The following SDK1 variants were observed in gnomAD, a reference collection of about 807,000 sequenced individuals.
SDK1 encodes protein sidekick-1.
A neutral mutation model predicts 245.5 loss-of-function variants in SDK1; 157 were observed. The ratio of observed to expected loss-of-function variants is 0.64; its 90% CI spans 0.56 to 0.73. The LOEUF (loss-of-function observed/expected upper bound fraction) is 0.73, where lower values mean the gene tolerates loss of function less well. SDK1 is among the 30% of genes least tolerant of loss of function. The pLI, the probability that SDK1 is intolerant of heterozygous loss-of-function variation, is 0.00. For synonymous variants in SDK1, 1,647 were observed against 1,278.5 expected (o/e 1.29, Z -6.15); for missense variants, 3,583 against 3,002.3 (o/e 1.19, Z -4.52).
intron 41 of SDK1, among the ~76,000 whole-genome samples, chr7:4,236,187 G>A (rs1786154146): frequency 6.6e-6 from 1 of 152,214 alleles, no homozygotes; most frequent in Admixed American, 6.5e-5. Context: ...TGGCTGCCGT[G>A]AGCCAATGCC....
At chr7:3,691,370 T>C (rs1784433470) in intron 4 of SDK1, among the ~76,000 whole-genome samples, 1 of 152,160 alleles carries the variant, frequency 6.6e-6, no homozygotes, top group Non-Finnish European at 1.5e-5. Flanking sequence ...TGGATCACAG[T>C]GGACCCCTCC....
rs371193237 is a variant in SDK1 at position 3,543,419 on chromosome 7, G to A, written c.299-75661G>A. On this transcript the variant is annotated intron_variant, in intron 1 of 44. Coordinates refer to ENST00000404826, the MANE Select transcript of SDK1 (RefSeq NM_152744.4). ...GGGGAGCCATTCTTACTAAAGAGATGGCTCTTAAGACCAAATGGAGCACTG... is the reference window on the plus strand; with the variant it reads ...GGGGAGCCATTCTTACTAAAGAGATAGCTCTTAAGACCAAATGGAGCACTG... Among the ~76,000 whole-genome samples the A allele has an allele frequency of 5.9e-5, 9 of 152,364 alleles. No individual in the cohort carries two copies. The South Asian group carries it at 1.9e-3, about 32-fold the overall frequency.
At chr7:3,499,351 C>T (rs1782122925) in intron 1 of SDK1, among the ~76,000 whole-genome samples, 1 of 151,618 alleles carries the variant, frequency 6.6e-6, no homozygotes, top group African/African-American at 2.4e-5. Context: ...AATGACTTAG[C>T]CATTTTTTGT....
Position 4,189,591 on chromosome 7 carries a change from T to C in SDK1, c.5098+11005T>C, listed in dbSNP as rs144793225. Among the ~76,000 whole-genome samples the C allele has an allele frequency of 5.9e-3, 903 of 152,320 alleles. 6 individuals carry two copies. Among genetic ancestry groups the C allele is most frequent in the Middle Eastern group, 0.034 (10 of 294 alleles). On this transcript the variant is annotated intron_variant, in intron 35 of 44. Coordinates refer to ENST00000404826, the MANE Select transcript of SDK1 (RefSeq NM_152744.4). ...CCGGCCAGGCATGGTGGCTCATGCC[T>C]GTAATCCTAGCACTTTGAGAGGCCA...
At chr7:3,838,097 G>A (rs373174079) in intron 5 of SDK1, among the ~76,000 whole-genome samples, 13 of 152,168 alleles carry the variant, frequency 8.5e-5, no homozygotes, top group Non-Finnish European at 1.6e-4. Context: ...AAGTATAGCC[G>A]CTTAGTCATT....
intron 4 of SDK1, among the ~76,000 whole-genome samples, chr7:3,716,114 CAAAAAAA>C (rs34348813): frequency 2.2e-4 from 18 of 82,130 alleles, no homozygotes; most frequent in Non-Finnish European, 4.7e-4. Flanking sequence ...AAAAGGTAGA[CAAAAAAA>C]AAAAAAAAAT....
chr7:4,164,841 A>G (rs893639488), intron 32 of SDK1, among the ~76,000 whole-genome samples: 5 of 152,216 alleles, frequency 3.3e-5, no homozygotes, highest in African/African-American at 1.2e-4. Flanking sequence ...GCCCAACAGA[A>G]CAAACTAATT....
chr7:3,785,834 T>G (rs954105313), intron 4 of SDK1, among the ~76,000 whole-genome samples: 1 of 152,208 alleles, frequency 6.6e-6, no homozygotes, highest in Admixed American at 6.5e-5. Context: ...AGTTGTTGCT[T>G]CTGCTGTCAG....
chr7:3,642,016 G>C lies in SDK1; in HGVS notation c.624G>C (p.Ala208=). 1 of 1,613,512 alleles carries C rather than the reference G, an allele frequency of 6.2e-7. No individual in the cohort carries two copies. The highest frequency in any genetic ancestry group is 8.5e-7 in the Non-Finnish European group (1 of 1,179,438). The change falls in exon 4 of 45, where the codon GCG becomes GCC. Residue 208 remains alanine (A), a synonymous_variant. Coordinates refer to ENST00000404826, the MANE Select transcript of SDK1 (RefSeq NM_152744.4). ...AAACAGTTTCTCAAGGACGTGCAGCGATTCTAAACCTGCTGCCCATCACCA... is the reference window on the plus strand; with the variant it reads ...AAACAGTTTCTCAAGGACGTGCAGCCATTCTAAACCTGCTGCCCATCACCA... ...QRKTVSQGRA[A]ILNLLPITSY... is the part of the protein sequence containing the mutation.
At chr7:3,811,516 C>G (rs1361357837) in intron 4 of SDK1, among the ~76,000 whole-genome samples, 3 of 152,230 alleles carry the variant, frequency 2.0e-5, no homozygotes, top group Admixed American at 6.5e-5. Context: ...TGCAAGAGCT[C>G]TGAGCTCACA....
chr7:4,021,104 G>C (rs1356681307), intron 17 of SDK1, among the ~76,000 whole-genome samples: 1 of 152,198 alleles, frequency 6.6e-6, no homozygotes. Flanking sequence ...CCTGCAGTTT[G>C]TGCAGAGTTG....
chr7:3,758,112 C>T (rs879898957), intron 4 of SDK1, among the ~76,000 whole-genome samples: 7 of 152,164 alleles, frequency 4.6e-5, no homozygotes, highest in Non-Finnish European at 1.0e-4. Flanking sequence ...AAGTTCCACT[C>T]TGCAGGGAAG....
rs117713005 is a variant in SDK1, at chr7:3,396,956, T to C, written c.298+95072T>C. ...TTCATTCCTCCATGACTGCTTTCTT[T>C]TGTGTTAAATGGATTCTTTTCTTAA... is the stretch of plus-strand genomic sequence containing the variant. On this transcript the variant is annotated intron_variant, in intron 1 of 44. Transcript: ENST00000404826. 7.2e-5 allele frequency among the ~76,000 whole-genome samples: 11 copies of C among 151,894 alleles called. 1 individual carries two copies. In the East Asian group the frequency reaches 1.9e-3, roughly 27 times the overall value.
chr7:4,149,176 C>T, intron 29 of SDK1, 86 bp from the exon 30 acceptor site: 1 of 1,138,296 alleles, frequency 8.8e-7, no homozygotes, highest in East Asian at 3.0e-5. Flanking sequence ...AGCAGTCAGC[C>T]CTGTACAGCA....
At chr7:3,923,622 C>T (rs923536552) in intron 5 of SDK1, among the ~76,000 whole-genome samples, 3 of 152,234 alleles carry the variant, frequency 2.0e-5, no homozygotes, top group African/African-American at 7.2e-5. Flanking sequence ...TTCACAAGTC[C>T]TCCAGGTTGG....
chr7:3,535,390 A>G (rs1043136104), intron 1 of SDK1, among the ~76,000 whole-genome samples: 2 of 152,244 alleles, frequency 1.3e-5, no homozygotes, highest in African/African-American at 2.4e-5. Context: ...GTTGAATGTT[A>G]CCTTCAAAAG....
chr7:3,658,244 A>C (rs538029755), intron 4 of SDK1, among the ~76,000 whole-genome samples: 1 of 152,182 alleles, frequency 6.6e-6, no homozygotes, highest in East Asian at 1.9e-4. Context: ...ATGAGGGCCC[A>C]TTCTTTGCTG....
intron 5 of SDK1, among the ~76,000 whole-genome samples, chr7:3,903,341 C>T (rs1161237105): frequency 6.6e-6 from 1 of 152,028 alleles, no homozygotes; most frequent in Non-Finnish European, 1.5e-5. Context: ...GACGAGGTTT[C>T]ACCGTGTTAG....
chr7:3,430,111 G>A (rs1308795633), intron 1 of SDK1, among the ~76,000 whole-genome samples: 2 of 152,140 alleles, frequency 1.3e-5, no homozygotes, highest in African/African-American at 2.4e-5. Flanking sequence ...CAATGACTAG[G>A]AGGACAGTAG....
Sources: allele counts gnomAD v4.1 joint callset (sites outside exome capture counted in the v4.1 genomes callset), GRCh38; gene constraint gnomAD v4.1.1; transcripts MANE v1.5; gene names NCBI Gene and HGNC (gene_info 2026-07-23, HGNC 2026-07-21).